NOL4L: variants seen among roughly 807,000 people sequenced by gnomAD.
The protein encoded by NOL4L is nucleolar protein 4-like.
Under a neutral mutation model 64.5 loss-of-function variants are expected in NOL4L, and 7 were observed. The ratio of observed to expected loss-of-function variants is 0.11; its 90% confidence interval spans 0.06 to 0.20. The LOEUF (loss-of-function observed/expected upper bound fraction) is 0.20, where lower values mean the gene tolerates loss of function less well. NOL4L is among the 10% of genes least tolerant of loss of function. NOL4L has a pLI of 1.00. For synonymous variants in NOL4L, 413 were observed against 401.0 expected (o/e 1.03, Z -0.36); for missense variants, 680 against 967.1 (o/e 0.70, Z 3.94).
At chr20:32,514,209 C>T (rs770016417) in intron 3 of NOL4L, among the ~76,000 whole-genome samples, 33 of 151,910 alleles carry the variant, frequency 2.2e-4, no homozygotes, top group Admixed American at 1.7e-3. Flanking sequence ...AAGTAGACGT[C>T]GGCTGGGTGT....
intron 4 of NOL4L, among the ~76,000 whole-genome samples, chr20:32,484,348 A>G (rs1204622844): frequency 5.4e-5 from 8 of 148,414 alleles, no homozygotes; most frequent in Non-Finnish European, 7.5e-5. Flanking sequence ...CCAGTGCTTG[A>G]TCAAGTTCAA....
intron 4 of NOL4L, chr20:32,509,889 G>A (rs2017316881): frequency 1.5e-6 from 2 of 1,304,228 alleles, no homozygotes; most frequent in Non-Finnish European, 1.0e-6. Flanking sequence ...GCACAGATGA[G>A]CACGGTGATA....
chr20:32,583,427 G>A (rs1436817783), intron 1 of NOL4L, among the ~76,000 whole-genome samples: 4 of 149,726 alleles, frequency 2.7e-5, no homozygotes, highest in Non-Finnish European at 4.5e-5. Flanking sequence ...AGCGCGGGGC[G>A]GGCGGGCCGG....
chr20:32,576,741 G>A (rs1308034414), intron 1 of NOL4L, among the ~76,000 whole-genome samples: 1 of 152,160 alleles, frequency 6.6e-6, no homozygotes. Context: ...CCAGCAGCCC[G>A]CCCAGGCCAG....
At chr20:32,477,850 GA>G (rs1466563235) in intron 4 of NOL4L, among the ~76,000 whole-genome samples, 1 of 152,218 alleles carries the variant, frequency 6.6e-6, no homozygotes, top group East Asian at 1.9e-4. Context: ...GTCCCACTGG[GA>G]AAAGGTGGGC....
At chr20:32,489,532 T>G (rs2016368600) in intron 4 of NOL4L, among the ~76,000 whole-genome samples, 1 of 152,152 alleles carries the variant, frequency 6.6e-6, no homozygotes, top group African/African-American at 2.4e-5. Flanking sequence ...AATATCATCT[T>G]TTAAATAACT....
At chr20:32,560,247 G>A (rs1384747821) in intron 1 of NOL4L, among the ~76,000 whole-genome samples, 1 of 152,188 alleles carries the variant, frequency 6.6e-6, no homozygotes, top group Non-Finnish European at 1.5e-5. Flanking sequence ...GTGTGGCCAG[G>A]GTGGGGCCCT....
At chr20:32,575,130 C>T (rs754284458) in intron 1 of NOL4L, among the ~76,000 whole-genome samples, 2 of 152,114 alleles carry the variant, frequency 1.3e-5, no homozygotes, top group South Asian at 2.1e-4. Context: ...AAAACCCCAA[C>T]GTGACCTTAG....
At chr20:32,492,545 C>T (rs1289829355) in intron 4 of NOL4L, among the ~76,000 whole-genome samples, 1 of 152,114 alleles carries the variant, frequency 6.6e-6, no homozygotes, top group Non-Finnish European at 1.5e-5. Context: ...CTGAGTGATG[C>T]GTGCTCTTTT....
In NOL4L at chr20:32,537,084, T is replaced by G. The variant is rs550719848; in HGVS notation, c.322-9171A>C. The stretch of plus-strand genomic sequence containing the variant: ...CCGCCCCCCCGGGACGCTGCCCACC[T>G]GTCCTTTGTGCAGGGCGGTACCATT... On this transcript the variant is annotated intron_variant, in intron 1 of 10. Coordinates refer to ENST00000621426, the MANE Select transcript of NOL4L (RefSeq NM_001256798.2). 4.4e-5 allele frequency: 43 copies of G among 984,332 alleles called. No individual in the cohort carries two copies. The South Asian group carries it at 1.8e-3, about 42-fold the overall frequency. 61.0% of individuals were successfully genotyped at this position (984,332 alleles called of 1,614,324 possible).
chr20:32,508,892 C>T (rs1041762458), intron 4 of NOL4L, among the ~76,000 whole-genome samples: 4 of 152,216 alleles, frequency 2.6e-5, no homozygotes, highest in African/African-American at 9.6e-5. Flanking sequence ...GCTTCGGCAA[C>T]AGAACTCCTC....
intron 2 of NOL4L, among the ~76,000 whole-genome samples, chr20:32,521,130 C>T (rs1003037262): frequency 1.6e-4 from 24 of 152,270 alleles, no homozygotes; most frequent in African/African-American, 5.8e-4. Flanking sequence ...TTAAAAATCG[C>T]AATAAAGGAG....
At chr20:32,575,619 C>T (rs985994668) in intron 1 of NOL4L, among the ~76,000 whole-genome samples, 2 of 152,160 alleles carry the variant, frequency 1.3e-5, no homozygotes, top group Non-Finnish European at 2.9e-5. Flanking sequence ...CAGTGGGGAG[C>T]CCCTTAAGGG....
chr20:32,472,575 A>G (rs1229289468), intron 5 of NOL4L, among the ~76,000 whole-genome samples: 1 of 152,134 alleles, frequency 6.6e-6, no homozygotes, highest in Non-Finnish European at 1.5e-5. Flanking sequence ...CACCTTCAAG[A>G]GGGGCTGGTT....
At chr20:32,482,303 A>G (rs2015780621) in intron 4 of NOL4L, among the ~76,000 whole-genome samples, 1 of 152,114 alleles carries the variant, frequency 6.6e-6, no homozygotes, top group Non-Finnish European at 1.5e-5. Context: ...TGGGCCTCCC[A>G]TAAGGAAAAG....
At chr20:32,477,921 C>CT (rs2015494140) in intron 4 of NOL4L, among the ~76,000 whole-genome samples, 1 of 152,246 alleles carries the variant, frequency 6.6e-6, no homozygotes, top group African/African-American at 2.4e-5. Context: ...CCCACAGGCA[C>CT]GGGACTTCAG....
At chr20:32,543,752 G>A (rs373211762) in intron 1 of NOL4L, among the ~76,000 whole-genome samples, 1 of 151,856 alleles carries the variant, frequency 6.6e-6, no homozygotes, top group Non-Finnish European at 1.5e-5. Flanking sequence ...ATCTCGCCAC[G>A]GCACTCCAGC....
intron 2 of NOL4L, among the ~76,000 whole-genome samples, chr20:32,525,319 G>A (rs1015155463): frequency 1.4e-4 from 21 of 152,336 alleles, no homozygotes; most frequent in African/African-American, 3.8e-4. Context: ...CAGCCCATCC[G>A]CCTGGACAAC....
At chr20:32,472,314 G>T (rs551229044) in intron 5 of NOL4L, among the ~76,000 whole-genome samples, 1 of 152,342 alleles carries the variant, frequency 6.6e-6, no homozygotes, top group African/African-American at 2.4e-5. Context: ...CTTACAGCAG[G>T]CCTCAGACTT....
Sources: allele counts gnomAD v4.1 joint callset (sites outside exome capture counted in the v4.1 genomes callset), GRCh38; gene constraint gnomAD v4.1.1; transcripts MANE v1.5; gene names NCBI Gene and HGNC (gene_info 2026-07-23, HGNC 2026-07-21).